MTUS2: variants seen among roughly 807,000 people sequenced by gnomAD.
The protein encoded by MTUS2 is microtubule associated scaffold protein 2.
In MTUS2, 40 loss-of-function variants were observed where a neutral mutation model predicts 114.1. That is an observed-to-expected ratio of 0.35 (90% CI 0.27 to 0.46). The LOEUF (loss-of-function observed/expected upper bound fraction) is 0.46. Among genes scored for constraint, MTUS2 ranks in the 20% least tolerant of loss-of-function variants. The pLI is 1.00. For missense variants in MTUS2, 1,679 were observed against 1,705.4 expected (o/e 0.98, Z 0.27); for synonymous variants, 688 against 672.0 (o/e 1.02, Z -0.37).
At chr13:29,245,142 T>C (rs532525198) in intron 5 of MTUS2, among the ~76,000 whole-genome samples, 22 of 152,094 alleles carry the variant, frequency 1.4e-4, no homozygotes, top group South Asian at 4.2e-4. Flanking sequence ...AGGACAATCA[T>C]AGACATGCAT....
In MTUS2 at chr13:29,207,374, G is replaced by A. The variant is rs527483600; in HGVS notation, c.2645-74330G>A. Among the ~76,000 whole-genome samples, 190 of 152,230 alleles carry A rather than the reference G, an allele frequency of 1.2e-3. 2 individuals carry two copies. The highest frequency in any genetic ancestry group is 3.4e-3 in the Middle Eastern group (1 of 294). On this transcript the variant is annotated intron_variant, in intron 5 of 15. Transcript: ENST00000612955. ...TACCATTATATCATTGGTGAACAGCGACAGTTTCACTTCTTCTTTACTGAT... is the reference window on the plus strand; with the variant it reads ...TACCATTATATCATTGGTGAACAGCAACAGTTTCACTTCTTCTTTACTGAT...
At chr13:29,407,482 AT>A in intron 8 of MTUS2, among the ~76,000 whole-genome samples, 1 of 139,322 alleles carries the variant, frequency 7.2e-6, no homozygotes, top group Middle Eastern at 3.7e-3. Context: ...TTATTTATTT[AT>A]TTATTTATTT....
intron 5 of MTUS2, among the ~76,000 whole-genome samples, chr13:29,220,858 T>A (rs1369011629): frequency 6.6e-6 from 1 of 152,206 alleles, no homozygotes; most frequent in Non-Finnish European, 1.5e-5. Context: ...ACCTTCAACT[T>A]GTAAACAATG....
At chr13:29,220,450 T>C (rs1032930536) in intron 5 of MTUS2, among the ~76,000 whole-genome samples, 3 of 152,230 alleles carry the variant, frequency 2.0e-5, no homozygotes, top group African/African-American at 7.2e-5. Flanking sequence ...GGAGTTCAAG[T>C]AAGAGATATG....
intron 4 of MTUS2, among the ~76,000 whole-genome samples, chr13:29,058,339 G>T (rs1182720025): frequency 6.6e-6 from 1 of 151,760 alleles, no homozygotes; most frequent in Admixed American, 6.6e-5. Context: ...TGAGGTTGGG[G>T]AAATGTTCAT....
chr13:28,834,312 C>A (rs778160311), intron 1 of MTUS2, among the ~76,000 whole-genome samples: 1 of 152,126 alleles, frequency 6.6e-6, no homozygotes, highest in Non-Finnish European at 1.5e-5. Flanking sequence ...CAGCATGGTG[C>A]AGGCAAATTA....
At chr13:28,927,191 A>G (rs953771062) in intron 2 of MTUS2, among the ~76,000 whole-genome samples, 1 of 152,354 alleles carries the variant, frequency 6.6e-6, no homozygotes, top group Admixed American at 6.5e-5. Flanking sequence ...TGAATTTTGC[A>G]GCAGCCTATG....
At chr13:29,399,481 C>T (rs553315727) in intron 8 of MTUS2, among the ~76,000 whole-genome samples, 6 of 152,094 alleles carry the variant, frequency 3.9e-5, no homozygotes, top group East Asian at 1.9e-4. Context: ...ATCCAATACA[C>T]GGTTCAAAGA....
intron 2 of MTUS2, among the ~76,000 whole-genome samples, chr13:28,853,632 C>T (rs144143474): frequency 2.0e-5 from 3 of 152,282 alleles, no homozygotes; most frequent in South Asian, 2.1e-4. Flanking sequence ...TTACAAATTA[C>T]ATTATCTAGT....
At chr13:28,887,109 G>T (rs1878636124) in intron 2 of MTUS2, among the ~76,000 whole-genome samples, 1 of 152,208 alleles carries the variant, frequency 6.6e-6, no homozygotes, top group East Asian at 1.9e-4. Context: ...AAGGCTCTGG[G>T]TGCTGGCTAA....
intron 5 of MTUS2, among the ~76,000 whole-genome samples, chr13:29,104,201 A>G (rs1207838978): frequency 6.6e-6 from 1 of 152,170 alleles, no homozygotes; most frequent in Non-Finnish European, 1.5e-5. Flanking sequence ...GGTTGTGGCA[A>G]ACAAGACAGG....
chr13:29,005,402 A>G (rs1345059138), intron 2 of MTUS2, among the ~76,000 whole-genome samples: 11 of 152,186 alleles, frequency 7.2e-5, no homozygotes, highest in Admixed American at 6.5e-5. Flanking sequence ...TGATTTATCT[A>G]TGAACTTGGC....
chr13:29,056,710 T>C (rs1888151115), intron 4 of MTUS2, among the ~76,000 whole-genome samples: 1 of 152,104 alleles, frequency 6.6e-6, no homozygotes. Context: ...TTTTTTTAAT[T>C]AATCTAGCTA....
chr13:29,041,347 T>C (rs1185339387), intron 4 of MTUS2, among the ~76,000 whole-genome samples: 3 of 152,228 alleles, frequency 2.0e-5, no homozygotes, highest in African/African-American at 7.2e-5. Flanking sequence ...TTGGTAACTT[T>C]AGCCTTATGG....
chr13:29,079,196 T>G (rs1053444906), intron 4 of MTUS2, among the ~76,000 whole-genome samples: 1 of 152,220 alleles, frequency 6.6e-6, no homozygotes, highest in Non-Finnish European at 1.5e-5. Context: ...TTTTGTCATG[T>G]GTTGCTGGCC....
intron 2 of MTUS2, among the ~76,000 whole-genome samples, chr13:29,021,821 G>T (rs972484398): frequency 1.1e-4 from 16 of 152,172 alleles, no homozygotes; most frequent in Non-Finnish European, 2.2e-4. Context: ...AAGACACAAG[G>T]GTTTGTTGAG....
chr13:29,283,626 G>T (rs770180990), intron 6 of MTUS2, among the ~76,000 whole-genome samples: 3 of 152,120 alleles, frequency 2.0e-5, no homozygotes, highest in South Asian at 2.1e-4. Flanking sequence ...ATTACTGGAC[G>T]CTATCCCCAG....
At chr13:29,468,196 C>T (rs1880023300) in intron 9 of MTUS2, among the ~76,000 whole-genome samples, 1 of 152,144 alleles carries the variant, frequency 6.6e-6, no homozygotes, top group Non-Finnish European at 1.5e-5. Flanking sequence ...TTAAACTAAT[C>T]AGGATTTTTA....
chr13:29,204,836 C>T (rs535307655), intron 5 of MTUS2, among the ~76,000 whole-genome samples: 2 of 152,342 alleles, frequency 1.3e-5, no homozygotes, highest in East Asian at 1.9e-4. Context: ...CGCAAAGCAT[C>T]GCTCGCTGGG....
Sources: gnomAD v4.1 joint callset for allele counts (sites outside exome capture counted in the v4.1 genomes callset) on GRCh38, gnomAD v4.1.1 for gene constraint, MANE v1.5 for transcripts, NCBI Gene and HGNC (gene_info 2026-07-23, HGNC 2026-07-21) for gene names.